KIAA0319: variants seen among roughly 807,000 people sequenced by gnomAD.
KIAA0319 encodes dyslexia-associated protein KIAA0319.
A neutral mutation model predicts 108.4 loss-of-function variants in KIAA0319; 83 were observed. The observed-to-expected ratio is 0.77, with a 90% CI of 0.64 to 0.92. The LOEUF (loss-of-function observed/expected upper bound fraction) is 0.92. Ranked by LOEUF, KIAA0319 falls within the 40% of genes least tolerant of loss-of-function variation. KIAA0319 has a pLI of 0.00. For missense variants in KIAA0319, 1,195 were observed against 1,322.4 expected, an observed-to-expected ratio of 0.90 and a Z score of 1.49; for synonymous variants, 484 against 510.4, an observed-to-expected ratio of 0.95 and a Z score of 0.70.
chr6:24,566,567 G>T (rs758832616), intron 14 of KIAA0319, 30 bp downstream of exon 14: 8 of 1,581,056 alleles, frequency 5.1e-6, no homozygotes, highest in Non-Finnish European at 6.9e-6. Flanking sequence ...ATGATAAGTG[G>T]TCTAGGAGCA....
At chr6:24,605,846 A>G (rs1771324859) in intron 1 of KIAA0319, among the ~76,000 whole-genome samples, 1 of 152,112 alleles carries the variant, frequency 6.6e-6, no homozygotes, top group African/African-American at 2.4e-5. Flanking sequence ...AAATACACTT[A>G]TAGATTTCAT....
At chr6:24,607,888 A>AT (rs1771656269) in intron 1 of KIAA0319, among the ~76,000 whole-genome samples, 1 of 152,228 alleles carries the variant, frequency 6.6e-6, no homozygotes, top group Non-Finnish European at 1.5e-5. Context: ...TCCATGCCAA[A>AT]TAACTTTGCA....
chr6:24,623,919 T>C (rs545196153), intron 1 of KIAA0319, among the ~76,000 whole-genome samples: 2 of 152,050 alleles, frequency 1.3e-5, no homozygotes, highest in East Asian at 1.9e-4. Flanking sequence ...ACAATGATTA[T>C]GTATCCACAA....
chr6:24,613,687 A>C (rs1024163800), intron 1 of KIAA0319, among the ~76,000 whole-genome samples: 1 of 152,128 alleles, frequency 6.6e-6, no homozygotes, highest in African/African-American at 2.4e-5. Context: ...GGGAAAAAAA[A>C]AAAACAAAAT....
intron 1 of KIAA0319, among the ~76,000 whole-genome samples, chr6:24,620,409 T>A (rs1426022678): frequency 6.6e-6 from 1 of 152,222 alleles, no homozygotes; most frequent in African/African-American, 2.4e-5. Flanking sequence ...CATGCAATTC[T>A]TCTGCCTCAG....
intron 8 of KIAA0319, among the ~76,000 whole-genome samples, chr6:24,578,960 G>A (rs1056115425): frequency 6.6e-6 from 1 of 152,200 alleles, no homozygotes; most frequent in Non-Finnish European, 1.5e-5. Context: ...ATGGTGCTAA[G>A]ATGGAAATAT....
chr6:24,560,708 G>A (rs969147518), intron 16 of KIAA0319, among the ~76,000 whole-genome samples: 2 of 152,160 alleles, frequency 1.3e-5, no homozygotes, highest in Non-Finnish European at 2.9e-5. Context: ...TGCCTCGGTC[G>A]TTACATGGTG....
chr6:24,597,321 C>T (rs1769805486), intron 2 of KIAA0319, among the ~76,000 whole-genome samples: 1 of 152,168 alleles, frequency 6.6e-6, no homozygotes, highest in African/African-American at 2.4e-5. Context: ...AGCAAACTGT[C>T]ACAAGGAGGC....
chr6:24,595,742 A>G lies in KIAA0319; in HGVS notation c.801+131T>C. 3.3e-6 allele frequency: 3 copies of G among 917,494 alleles called. No homozygotes were observed. In the South Asian group the frequency reaches 6.4e-5, roughly 20 times the overall value. 56.8% of individuals were successfully genotyped at this position (917,494 alleles called of 1,614,324 possible). A position where few individuals can be genotyped will look rare whatever the true frequency, so the allele number is the denominator to read the frequency against. On this transcript the variant is annotated intron_variant, in intron 3 of 20. Transcript: ENST00000378214. Reference sequence around the variant, plus strand: ...CATCTTTCTTGCCACCACCTGAGACAGGTGCCCTTAGGCGGAACCTCCTTA... The same window carrying G: ...CATCTTTCTTGCCACCACCTGAGACGGGTGCCCTTAGGCGGAACCTCCTTA...
At chr6:24,548,835 A>G (rs1761013645) in intron 20 of KIAA0319, among the ~76,000 whole-genome samples, 2 of 152,226 alleles carry the variant, frequency 1.3e-5, no homozygotes, top group Non-Finnish European at 2.9e-5. Flanking sequence ...AAATGACACT[A>G]TTAAAATGTT....
intron 1 of KIAA0319, among the ~76,000 whole-genome samples, chr6:24,631,263 A>G (rs1043547762): frequency 4.6e-5 from 7 of 152,218 alleles, no homozygotes; most frequent in African/African-American, 1.4e-4. Context: ...GGCAGCCTTC[A>G]GCTTCAGCGG....
chr6:24,544,782 A>G lies in KIAA0319; in HGVS notation c.*2383T>C, dbSNP rs554137598. The G allele has an allele frequency of 6.6e-6, 1 of 152,352 alleles. No homozygotes were observed. The highest frequency in any genetic ancestry group is 2.4e-5 in the African/African-American group (1 of 41,578). 9.4% of individuals were successfully genotyped at this position (152,352 alleles called of 1,614,324 possible). A position where few individuals can be genotyped will look rare whatever the true frequency, so the allele number is the denominator to read the frequency against. On this transcript the variant is annotated 3_prime_UTR_variant, in exon 21 of 21. Transcript: ENST00000378214. ...GATCCTCAATGATAAGCAGTCCACC[A>G]TGAAGAATGCTGGTTGGTCATTCCA...
intron 5 of KIAA0319, among the ~76,000 whole-genome samples, chr6:24,582,871 T>G (rs754473045): frequency 1.3e-5 from 2 of 152,166 alleles, no homozygotes; most frequent in African/African-American, 4.8e-5. Flanking sequence ...TATGTTAAGA[T>G]GAAACTGTCT....
intron 3 of KIAA0319, among the ~76,000 whole-genome samples, chr6:24,592,905 AAGGCT>A (rs1471422331): frequency 2.0e-5 from 3 of 152,118 alleles, no homozygotes; most frequent in Non-Finnish European, 2.9e-5. Flanking sequence ...CCAGGAGGTC[AAGGCT>A]GCAGTGAGCT....
At chr6:24,633,785 A>G (rs971399811) in intron 1 of KIAA0319, among the ~76,000 whole-genome samples, 4 of 152,220 alleles carry the variant, frequency 2.6e-5, no homozygotes, top group Non-Finnish European at 5.9e-5. Flanking sequence ...ATCTTCTAAA[A>G]TGTAAAACCC....
intron 5 of KIAA0319, chr6:24,583,068 A>G: frequency 1.0e-6 from 1 of 985,282 alleles, no homozygotes; most frequent in Non-Finnish European, 1.2e-6. Flanking sequence ...TACCTTAAAA[A>G]CAATGCATTT....
chr6:24,572,548 G>C, intron 11 of KIAA0319, 27 bp downstream of exon 11: 2 of 1,605,012 alleles, frequency 1.2e-6, no homozygotes, highest in Non-Finnish European at 1.7e-6. Flanking sequence ...TAATCTCTGA[G>C]GCCAAATCTC....
chr6:24,540,670 T>C (rs1760168415), downstream of KIAA0319, among the ~76,000 whole-genome samples: 1 of 152,000 alleles, frequency 6.6e-6, no homozygotes, highest in African/African-American at 2.4e-5. Context: ...TTTTCCTTTC[T>C]TAACTTTGTT....
chr6:24,596,035 A>T lies in KIAA0319; in HGVS notation c.639T>A (p.Pro213=), dbSNP rs1438868419. The T allele has an allele frequency of 6.2e-7, 1 of 1,614,042 alleles. No homozygotes were observed. Among genetic ancestry groups the T allele is most frequent in the Non-Finnish European group, 8.5e-7 (1 of 1,179,908 alleles). ...PAVPAETQQD[P]ELHYLNESAS... is the part of the protein sequence containing the mutation. ...CCGACTCATTCAGGTAATGGAGCTC[A>T]GGGTCCTGCTGCGTCTCCGCTGGCA... Residue 213 remains proline, a synonymous_variant, in exon 3 of 21, where the codon CCT becomes CCA. Transcript: ENST00000378214.
Sources: gnomAD v4.1 joint callset for allele counts (sites outside exome capture counted in the v4.1 genomes callset) on GRCh38, gnomAD v4.1.1 for gene constraint, MANE v1.5 for transcripts, NCBI Gene and HGNC (gene_info 2026-07-23, HGNC 2026-07-21) for gene names.